The following RNF144A variants were observed in gnomAD, a reference collection of about 807,000 sequenced individuals.
RNF144A encodes the protein E3 ubiquitin-protein ligase RNF144A.
A neutral mutation model predicts 38.7 loss-of-function variants in RNF144A; 11 were observed. The ratio of observed to expected loss-of-function variants is 0.28; its 90% confidence interval spans 0.18 to 0.47. The LOEUF is 0.47. Ranked by LOEUF, RNF144A falls within the 20% of genes least tolerant of loss-of-function variation. The probability of loss-of-function intolerance (pLI) is 0.99; values close to 1 mark genes in which losing one functional copy is unlikely to be tolerated. For synonymous variants in RNF144A, 149 were observed against 143.9 expected, an observed-to-expected ratio of 1.04 and a Z score of -0.25; for missense variants, 316 against 377.2, an observed-to-expected ratio of 0.84 and a Z score of 1.34.
intron 3 of RNF144A, among the ~76,000 whole-genome samples, chr2:7,001,072 G>A (rs1014973388): frequency 6.6e-6 from 1 of 152,008 alleles, no homozygotes; most frequent in Non-Finnish European, 1.5e-5. Flanking sequence ...GGCTGAGGCG[G>A]GTGGATCACC....
At chr2:7,067,737 G>A (rs1430593930) in intron 6 of RNF144A, among the ~76,000 whole-genome samples, 2 of 152,124 alleles carry the variant, frequency 1.3e-5, no homozygotes, top group African/African-American at 4.8e-5. Flanking sequence ...TCCTTGCTTG[G>A]CCAAACTGTA....
chr2:6,968,914 T>G (rs895216027), intron 2 of RNF144A, among the ~76,000 whole-genome samples: 2 of 152,048 alleles, frequency 1.3e-5, no homozygotes, highest in Admixed American at 1.3e-4. Flanking sequence ...TGGTGAAATA[T>G]GGGGGTTCCT....
chr2:7,029,119 C>T (rs866050132), intron 7 of RNF144A, among the ~76,000 whole-genome samples: 1 of 152,228 alleles, frequency 6.6e-6, no homozygotes, highest in African/African-American at 2.4e-5. Context: ...GAGTGACTTC[C>T]TGTTTCCTCA....
chr2:6,942,242 G>T (rs1666041915), intron 2 of RNF144A, among the ~76,000 whole-genome samples: 1 of 151,836 alleles, frequency 6.6e-6, no homozygotes, highest in African/African-American at 2.4e-5. Context: ...GACAAGGCTA[G>T]AATCCAGGAG....
At chr2:7,058,682 C>T (rs999954603) in intron 6 of RNF144A, among the ~76,000 whole-genome samples, 1 of 152,126 alleles carries the variant, frequency 6.6e-6, no homozygotes, top group Non-Finnish European at 1.5e-5. Context: ...TCTAAATCTC[C>T]TCTATTATGT....
downstream of RNF144A, among the ~76,000 whole-genome samples, chr2:7,045,224 C>T (rs1486715568): frequency 6.6e-6 from 1 of 152,164 alleles, no homozygotes; most frequent in Non-Finnish European, 1.5e-5. Flanking sequence ...GGTGGGGGCA[C>T]AGTGTGCCGA....
chr2:6,962,637 C>T lies in RNF144A; in HGVS notation c.-12+21490C>T, dbSNP rs748591316. ...CTCATCAGATTATGGATAAATTCAC[C>T]GAAATAAGGAAAACTTCTAACACTT... On this transcript the variant is annotated intron_variant, in intron 2 of 8. Transcript: ENST00000320892. The surrounding 1 kb of genome is among the most constrained non-coding windows in gnomAD (Gnocchi z 4.1). Among the ~76,000 whole-genome samples the T allele has an allele frequency of 3.9e-5, 6 of 151,986 alleles. No homozygotes were observed. Among genetic ancestry groups the T allele is most frequent in the Admixed American group, 2.6e-4 (4 of 15,258 alleles).
intron 5 of RNF144A, among the ~76,000 whole-genome samples, chr2:7,018,994 G>T (rs1395726524): frequency 6.6e-6 from 1 of 152,106 alleles, no homozygotes; most frequent in Non-Finnish European, 1.5e-5. Flanking sequence ...GTCAAGTTTT[G>T]CTAGAACATT....
chr2:6,961,402 T>TC (rs397983797), intron 2 of RNF144A, among the ~76,000 whole-genome samples: 80 of 152,058 alleles, frequency 5.3e-4, no homozygotes, highest in African/African-American at 1.8e-3. Flanking sequence ...ATTTTTTTTT[T>TC]CCCTCTTAGA....
At chr2:7,005,166 G>A (rs994555041) in intron 3 of RNF144A, among the ~76,000 whole-genome samples, 1 of 152,186 alleles carries the variant, frequency 6.6e-6, no homozygotes, top group Non-Finnish European at 1.5e-5. Flanking sequence ...TTTTCAAAGT[G>A]TTCTTCAGCT....
intron 2 of RNF144A, among the ~76,000 whole-genome samples, chr2:6,991,021 T>C (rs1669335641): frequency 6.6e-6 from 1 of 152,154 alleles, no homozygotes; most frequent in Non-Finnish European, 1.5e-5. Flanking sequence ...TGATGACTTA[T>C]TTTTTCAGTG....
At chr2:6,932,705 A>G (rs1266239191) in intron 1 of RNF144A, among the ~76,000 whole-genome samples, 1 of 152,214 alleles carries the variant, frequency 6.6e-6, no homozygotes, top group Non-Finnish European at 1.5e-5. Flanking sequence ...CTTCATTTTT[A>G]TGAGTGATAC....
chr2:7,014,680 A>G, intron 4 of RNF144A, 32 bp from the exon 5 acceptor site: 1 of 1,581,598 alleles, frequency 6.3e-7, no homozygotes, highest in Non-Finnish European at 8.6e-7. Context: ...TCAGCTTGTT[A>G]TCATTCCTGT....
At chr2:7,063,056 A>T (rs889530869) in intron 6 of RNF144A, 27 of 152,220 alleles carry the variant, frequency 1.8e-4, no homozygotes, top group African/African-American at 6.5e-4. Context: ...TCAACATTGC[A>T]GCTGGGGAGG....
chr2:7,015,985 G>T (rs141576597), intron 5 of RNF144A, among the ~76,000 whole-genome samples: 154 of 151,484 alleles, frequency 1.0e-3, no homozygotes, highest in African/African-American at 3.5e-3. Context: ...CCTGTTGTTT[G>T]TATATTTTTG....
At chr2:7,004,646 C>G (rs1017330607) in intron 3 of RNF144A, among the ~76,000 whole-genome samples, 2 of 152,194 alleles carry the variant, frequency 1.3e-5, no homozygotes, top group Admixed American at 1.3e-4. Flanking sequence ...TTTCTTTTGC[C>G]TTTTTCTGCC....
intron 1 of RNF144A, among the ~76,000 whole-genome samples, chr2:6,927,552 G>GA (rs369870675): frequency 6.5e-4 from 99 of 152,322 alleles, no homozygotes; most frequent in African/African-American, 2.2e-3. Context: ...TTGTGTAGCA[G>GA]AAAAAACAGA....
At chr2:6,972,729 C>CA (rs1668073734) in intron 2 of RNF144A, among the ~76,000 whole-genome samples, 1 of 152,188 alleles carries the variant, frequency 6.6e-6, no homozygotes, top group Admixed American at 6.5e-5. Flanking sequence ...CCAAGGAGTC[C>CA]AAGGACTGCG....
At chr2:7,036,390 T>C (rs866048339) in intron 8 of RNF144A, among the ~76,000 whole-genome samples, 2 of 152,232 alleles carry the variant, frequency 1.3e-5, no homozygotes, top group African/African-American at 4.8e-5. Flanking sequence ...ACTGATCTTC[T>C]GTATTCACAT....
Sources: gnomAD v4.1 joint callset for allele counts (sites outside exome capture counted in the v4.1 genomes callset) on GRCh38, gnomAD v4.1.1 for gene constraint, Gnocchi (gnomAD v3.1) non-coding constraint, MANE v1.5 for transcripts, NCBI Gene and HGNC (gene_info 2026-07-23, HGNC 2026-07-21) for gene names.